Variants in LMO2 observed in about 807,000 individuals in gnomAD.
LMO2 encodes the protein rhombotin-2.
In LMO2, 20 loss-of-function variants were observed where a neutral mutation model predicts 23.2. The observed-to-expected ratio is 0.86, with a 90% CI of 0.61 to 1.25. LMO2 has a LOEUF of 1.25. Ranked by LOEUF, LMO2 falls within the 50% of genes most tolerant of loss-of-function variation. The pLI, the probability that LMO2 is intolerant of heterozygous loss-of-function variation, is 0.00. For missense variants in LMO2, 270 were observed against 315.3 expected (o/e 0.86, Z 1.09); for synonymous variants, 123 against 130.2 (o/e 0.94, Z 0.38).
At position 33,885,545 on chromosome 11, in the gene LMO2, C is replaced by T. The variant is rs368221281; in HGVS notation, c.-335-3658G>A. 3.9e-5 allele frequency among the ~76,000 whole-genome samples: 6 copies of T among 152,304 alleles called. No individual in the cohort carries two copies. In the South Asian group the frequency reaches 6.2e-4, roughly 16 times the overall value. ...ATGTGGCTTTATCTCTGTGTACATA[C>T]AAGTTAGCCCGGAGATAGCCTTAGG... On this transcript the variant is annotated intron_variant, in intron 1 of 5. Coordinates refer to ENST00000257818, the MANE Select transcript of LMO2 (RefSeq NM_005574.4).
At chr11:33,890,202 T>C (rs1228152877) in intron 1 of LMO2, among the ~76,000 whole-genome samples, 1 of 152,044 alleles carries the variant, frequency 6.6e-6, no homozygotes, top group Non-Finnish European at 1.5e-5. Flanking sequence ...ATCAATCTGG[T>C]GATAGATATC....
intron 2 of LMO2, among the ~76,000 whole-genome samples, chr11:33,875,577 T>C (rs1345566880): frequency 6.9e-4 from 13 of 18,890 alleles, no homozygotes; most frequent in African/African-American, 3.1e-3. Context: ...AAACTCCTTC[T>C]CAAAAAAAAA....
rs1856932480 is a variant in LMO2 at position 33,869,564 on chromosome 11, C to A, written c.30G>T (p.Glu10Asp). MEGSAVTVL[E>D]RGGASSPAER... is the part of the protein sequence containing the mutation. ...CCGCCGGCGAGCTCGCCCCTCCGCG[C>A]TCAAGGACAGTCACCGCGCTCCCTT... is the stretch of plus-strand genomic sequence containing the variant. The change falls in exon 4 of 6, where the codon GAG becomes GAT. Residue 10 changes from glutamate (E) to aspartate (D), a missense_variant. Around this residue, in one of 2 missense-constraint regions of LMO2, gnomAD observed 170 missense variants for 162.0 expected, o/e 1.05. Coordinates refer to ENST00000257818, the MANE Select transcript of LMO2 (RefSeq NM_005574.4). The A allele has an allele frequency of 7.7e-7, 1 of 1,299,428 alleles. No homozygotes were observed. The allele number at this position is 1,299,428 out of a possible 1,614,324, so 80.5% of individuals were successfully genotyped here.
chr11:33,869,290 C>A, intron 4 of LMO2, 56 bp downstream of exon 4: 1 of 1,122,494 alleles, frequency 8.9e-7, no homozygotes, highest in South Asian at 4.3e-5. Context: ...CCCCGACGCT[C>A]CGGGACGCGA....
chr11:33,872,012 C>T (rs1054820263), intron 2 of LMO2, among the ~76,000 whole-genome samples: 15 of 151,850 alleles, frequency 9.9e-5, no homozygotes, highest in Non-Finnish European at 1.6e-4. Flanking sequence ...ACCTGTAATC[C>T]CAGCACTTTG....
chr11:33,869,459 T>TCGGACCC lies in LMO2; in HGVS notation c.128_134dup (p.Ala46GlyfsTer45). 5 of 1,195,766 alleles carry TCGGACCC rather than the reference T, an allele frequency of 4.2e-6. No homozygotes were observed. The highest frequency in any genetic ancestry group is 5.2e-6 in the Non-Finnish European group (5 of 959,796). 74.1% of individuals were successfully genotyped at this position (1,195,766 alleles called of 1,614,324 possible). On this transcript the variant is annotated frameshift_variant, in exon 4 of 6. Coordinates refer to ENST00000257818, the MANE Select transcript of LMO2 (RefSeq NM_005574.4). LOFTEE classifies it high-confidence loss of function. ...CGCGGGGCTGGCCGGCTGCCGGGGC[T>TCGGACCC]CGGACCCCCTCGGGTGCTCGGGCGC...
intron 4 of LMO2, among the ~76,000 whole-genome samples, chr11:33,865,642 G>A (rs1856755212): frequency 6.6e-6 from 1 of 152,136 alleles, no homozygotes; most frequent in Admixed American, 6.6e-5. Flanking sequence ...ATGAAGTGGG[G>A]GCAATGATTA....
rs79452536 is a variant in LMO2 at position 33,876,389 on chromosome 11, C to T, written c.-272+5435G>A. 7.7e-3 allele frequency among the ~76,000 whole-genome samples: 1,177 copies of T among 152,294 alleles called. 20 individuals carry two copies. The highest frequency in any genetic ancestry group is 0.026 in the African/African-American group (1,094 of 41,536). On this transcript the variant is annotated intron_variant, in intron 2 of 5. Coordinates refer to ENST00000257818, the MANE Select transcript of LMO2 (RefSeq NM_005574.4). ...TCTTCAGCACCTAGAACGTGCCTAA[C>T]GTGTGGCTGGCCCTCAATAAATATT... is the stretch of plus-strand genomic sequence containing the variant.
At chr11:33,872,136 C>T in intron 2 of LMO2, among the ~76,000 whole-genome samples, 1 of 152,040 alleles carries the variant, frequency 6.6e-6, no homozygotes, top group East Asian at 1.9e-4. Context: ...ACTAAAAATA[C>T]AAAAATTAGC....
chr11:33,873,980 T>C (rs751268195), intron 2 of LMO2, among the ~76,000 whole-genome samples: 4 of 152,248 alleles, frequency 2.6e-5, no homozygotes, highest in Non-Finnish European at 5.9e-5. Context: ...ACCTCTCTTT[T>C]TTTTTCAACC....
At chr11:33,876,731 G>A (rs1857146053) in intron 2 of LMO2, among the ~76,000 whole-genome samples, 3 of 152,226 alleles carry the variant, frequency 2.0e-5, no homozygotes, top group Admixed American at 6.5e-5. Context: ...GTAGAATGCA[G>A]TCAATCATAT....
At chr11:33,862,395 C>T (rs568387462) in intron 5 of LMO2, among the ~76,000 whole-genome samples, 3 of 152,336 alleles carry the variant, frequency 2.0e-5, no homozygotes, top group African/African-American at 4.8e-5. Context: ...CACCCCACCA[C>T]TCCCAGCACA....
intron 1 of LMO2, among the ~76,000 whole-genome samples, chr11:33,883,964 A>T (rs753634344): frequency 1.3e-5 from 2 of 152,188 alleles, no homozygotes; most frequent in African/African-American, 4.8e-5. Flanking sequence ...GGTGCAGTTC[A>T]CAGGTAGTAA....
rs1856697566 is a variant in LMO2, at chr11:33,864,439, C to A, written c.464+163G>T. 6.6e-6 allele frequency among the ~76,000 whole-genome samples: 1 copy of A among 152,228 alleles called. No individual in the cohort carries two copies. The highest frequency in any genetic ancestry group is 2.4e-5 in the African/African-American group (1 of 41,460). On this transcript the variant is annotated intron_variant, in intron 5 of 5. Coordinates refer to ENST00000257818, the MANE Select transcript of LMO2 (RefSeq NM_005574.4). The surrounding 1 kb of genome is among the most constrained non-coding windows in gnomAD (Gnocchi z 4.8). Reference sequence around the variant, plus strand: ...CTCAAACAGGAAGAAATGCCCTCTGCTTCTCAGCACAGGAGCTGAGACTCA... The same window carrying A: ...CTCAAACAGGAAGAAATGCCCTCTGATTCTCAGCACAGGAGCTGAGACTCA...
rs139809615 is a variant in LMO2, at chr11:33,862,500, T to C, written c.464+2102A>G. On this transcript the variant is annotated intron_variant, in intron 5 of 5. Coordinates refer to ENST00000257818, the MANE Select transcript of LMO2 (RefSeq NM_005574.4). ...CCAACAATACAACACAGCAGCAGAG[T>C]TGAGGTTCTGCATGGGGGTCTCATG... Among the ~76,000 whole-genome samples the C allele has an allele frequency of 6.5e-3, 983 of 152,076 alleles. 12 individuals carry two copies. Among genetic ancestry groups the C allele is most frequent in the Non-Finnish European group, 7.1e-3 (483 of 67,980 alleles).
intron 1 of LMO2, among the ~76,000 whole-genome samples, chr11:33,889,136 G>A (rs1419587950): frequency 1.3e-5 from 2 of 152,196 alleles, no homozygotes; most frequent in Non-Finnish European, 2.9e-5. Flanking sequence ...AAGGTCATTT[G>A]GAGCTCTGCT....
chr11:33,871,090 A>G, intron 2 of LMO2: 1 of 983,298 alleles, frequency 1.0e-6, no homozygotes, highest in Non-Finnish European at 1.2e-6. Context: ...ATAGGCATAC[A>G]TTTCTGTTCC....
At chr11:33,878,304 G>C (rs1465306606) in intron 2 of LMO2, among the ~76,000 whole-genome samples, 1 of 152,168 alleles carries the variant, frequency 6.6e-6, no homozygotes, top group Non-Finnish European at 1.5e-5. Flanking sequence ...TCTGTGCACT[G>C]TGTTACTCTT....
intron 5 of LMO2, among the ~76,000 whole-genome samples, chr11:33,859,918 T>G (rs1248105344): frequency 1.3e-5 from 2 of 152,154 alleles, no homozygotes; most frequent in East Asian, 3.9e-4. Flanking sequence ...AAGTATTACC[T>G]GTCCCCTCCC....
Sources: gnomAD v4.1 joint callset for allele counts (sites outside exome capture counted in the v4.1 genomes callset) on GRCh38, gnomAD v4.1.1 for gene constraint, gnomAD v4.1.1 regional missense constraint, Gnocchi (gnomAD v3.1) non-coding constraint, MANE v1.5 for transcripts, NCBI Gene and HGNC (gene_info 2026-07-23, HGNC 2026-07-21) for gene names.